Variants in DPYD observed in about 807,000 individuals in gnomAD.
The protein encoded by DPYD is dihydropyrimidine dehydrogenase [NADP(+)].
In DPYD, 109 loss-of-function variants were observed where a neutral mutation model predicts 116.2. That is an observed-to-expected ratio of 0.94 (90% confidence interval 0.80 to 1.10). DPYD has a LOEUF of 1.10. Among genes scored for constraint, DPYD ranks in the 50% least tolerant of loss-of-function variants. DPYD has a pLI of 0.00. For missense variants in DPYD, 1,302 were observed against 1,254.5 expected, an observed-to-expected ratio of 1.04 and a Z score of -0.57; for synonymous variants, 440 against 432.0, an observed-to-expected ratio of 1.02 and a Z score of -0.23.
intron 8 of DPYD, among the ~76,000 whole-genome samples, chr1:97,636,225 T>C (rs995633996): frequency 6.6e-6 from 1 of 152,148 alleles, no homozygotes; most frequent in African/African-American, 2.4e-5. Context: ...TAGTAGTTAC[T>C]AAGTCAATCA....
At chr1:97,425,439 GT>G (rs1674809096) in intron 14 of DPYD, among the ~76,000 whole-genome samples, 1 of 151,972 alleles carries the variant, frequency 6.6e-6, no homozygotes, top group South Asian at 2.1e-4. Context: ...CAAGAATATT[GT>G]TACTAAAACT....
intron 10 of DPYD, 110 bp from the exon 11 acceptor site, chr1:97,574,080 G>C: frequency 6.6e-7 from 1 of 1,514,544 alleles, no homozygotes; most frequent in African/African-American, 1.4e-5. Flanking sequence ...AAGTCAATAT[G>C]CAGCTTTTTC....
At chr1:97,436,482 C>T (rs1675478673) in intron 14 of DPYD, among the ~76,000 whole-genome samples, 1 of 151,892 alleles carries the variant, frequency 6.6e-6, no homozygotes, top group Admixed American at 6.6e-5. Flanking sequence ...GGGTCTCTTT[C>T]ACATGGTTCA....
At chr1:97,236,655 A>G (rs1296796287) in intron 18 of DPYD, among the ~76,000 whole-genome samples, 1 of 152,196 alleles carries the variant, frequency 6.6e-6, no homozygotes, top group Non-Finnish European at 1.5e-5. Context: ...ACATTTACAC[A>G]CACACACACA....
At chr1:97,749,737 T>C (rs1167711945) in intron 3 of DPYD, among the ~76,000 whole-genome samples, 1 of 152,168 alleles carries the variant, frequency 6.6e-6, no homozygotes, top group Non-Finnish European at 1.5e-5. Flanking sequence ...ACAAGCCATA[T>C]GTAATTTTTT....
intron 12 of DPYD, chr1:97,545,559 T>C: frequency 2.2e-6 from 1 of 450,228 alleles, no homozygotes; most frequent in Non-Finnish European, 3.9e-6. Flanking sequence ...TGAAGATGTT[T>C]GGTGAATATG....
chr1:97,576,074 C>T (rs1043274646), intron 10 of DPYD, among the ~76,000 whole-genome samples: 1 of 152,118 alleles, frequency 6.6e-6, no homozygotes, highest in Non-Finnish European at 1.5e-5. Flanking sequence ...TGTATGATTT[C>T]TGGAAGGCAA....
At position 97,790,351 on chromosome 1, in the gene DPYD, A is replaced by G. The variant is rs111507459; in HGVS notation, c.233+37763T>C. On this transcript the variant is annotated intron_variant, in intron 3 of 22. Transcript: ENST00000370192. Reference sequence around the variant, plus strand: ...TAAGAAAGAGAGGAATGATACTAATATTTTAGTCTCTAATAGTTATTTCTT... The same window carrying G: ...TAAGAAAGAGAGGAATGATACTAATGTTTTAGTCTCTAATAGTTATTTCTT... Among the ~76,000 whole-genome samples the G allele has an allele frequency of 7.8e-3, 1,192 of 152,306 alleles. 15 individuals carry two copies. Among genetic ancestry groups the G allele is most frequent in the African/African-American group, 0.027 (1,122 of 41,562 alleles).
chr1:97,206,782 T>G (rs1289969159), intron 19 of DPYD, among the ~76,000 whole-genome samples: 1 of 149,688 alleles, frequency 6.7e-6, no homozygotes, highest in Non-Finnish European at 1.5e-5. Context: ...TTTTTAGGTT[T>G]ATGCATACAC....
chr1:97,916,195 A>G (rs1468616977), intron 1 of DPYD, among the ~76,000 whole-genome samples: 3 of 151,932 alleles, frequency 2.0e-5, no homozygotes. Flanking sequence ...ATCTTTTTTT[A>G]TTATTATACT....
At chr1:97,191,653 A>T (rs1197489105) in intron 20 of DPYD, among the ~76,000 whole-genome samples, 1 of 152,146 alleles carries the variant, frequency 6.6e-6, no homozygotes, top group Non-Finnish European at 1.5e-5. Flanking sequence ...TTAAAGACAA[A>T]ACATGACAGT....
At chr1:97,830,707 C>CAAA (rs759967010) in intron 2 of DPYD, among the ~76,000 whole-genome samples, 1 of 105,772 alleles carries the variant, frequency 9.5e-6, no homozygotes, top group Non-Finnish European at 2.0e-5. Context: ...GACTCCATCT[C>CAAA]AAAAAAAAAA....
At chr1:97,608,098 C>T (rs1438092621) in intron 8 of DPYD, among the ~76,000 whole-genome samples, 1 of 151,676 alleles carries the variant, frequency 6.6e-6, no homozygotes, top group African/African-American at 2.4e-5. Flanking sequence ...CAATGTTGGA[C>T]AAGTATGAAA....
At chr1:97,301,485 ATT>A (rs1405984109) in intron 18 of DPYD, among the ~76,000 whole-genome samples, 1 of 151,898 alleles carries the variant, frequency 6.6e-6, no homozygotes, top group African/African-American at 2.4e-5. Flanking sequence ...CATTATTTCA[ATT>A]TAAGTGCCTT....
chr1:97,389,221 T>C (rs1386254403), intron 14 of DPYD, among the ~76,000 whole-genome samples: 1 of 150,994 alleles, frequency 6.6e-6, no homozygotes, highest in Non-Finnish European at 1.5e-5. Flanking sequence ...GGCAGGAGAA[T>C]GGCTTGAGCC....
chr1:97,761,721 G>C (rs1312638538), intron 3 of DPYD, among the ~76,000 whole-genome samples: 1 of 152,092 alleles, frequency 6.6e-6, no homozygotes, highest in Non-Finnish European at 1.5e-5. Flanking sequence ...GTTCACTGCA[G>C]CACTATTCAC....
At chr1:97,676,787 C>T (rs770141935) in intron 8 of DPYD, among the ~76,000 whole-genome samples, 3 of 152,140 alleles carry the variant, frequency 2.0e-5, no homozygotes, top group Non-Finnish European at 4.4e-5. Context: ...CTAGAGAATA[C>T]GGCTACTTGT....
At chr1:97,791,849 T>A (rs141692066) in intron 3 of DPYD, among the ~76,000 whole-genome samples, 2 of 152,140 alleles carry the variant, frequency 1.3e-5, no homozygotes, top group Admixed American at 1.3e-4. Context: ...TTATGTTACA[T>A]TGTAGGAAAA....
chr1:97,323,248 ATATACT>A (rs1668417299), intron 16 of DPYD, among the ~76,000 whole-genome samples: 1 of 149,098 alleles, frequency 6.7e-6, no homozygotes, highest in Non-Finnish European at 1.5e-5. Context: ...ATACACATTT[ATATACT>A]TATATACATA....
Sources: gnomAD v4.1 joint callset for allele counts (sites outside exome capture counted in the v4.1 genomes callset) on GRCh38, gnomAD v4.1.1 for gene constraint, MANE v1.5 for transcripts, NCBI Gene and HGNC (gene_info 2026-07-23, HGNC 2026-07-21) for gene names.